The following LPAR1 variants were observed in gnomAD, a reference collection of about 807,000 sequenced individuals.
The protein encoded by LPAR1 is LPA receptor 1.
A neutral mutation model predicts 23.8 loss-of-function variants in LPAR1; 5 were observed. That is an observed-to-expected ratio of 0.21 (90% CI 0.11 to 0.44). The LOEUF (loss-of-function observed/expected upper bound fraction) is 0.44. Among genes scored for constraint, LPAR1 ranks in the 20% least tolerant of loss-of-function variants. The pLI is 0.99. For synonymous variants in LPAR1, 160 were observed against 164.7 expected (o/e 0.97, Z 0.22); for missense variants, 311 against 482.8 (o/e 0.64, Z 3.33).
chr9:111,028,883 A>ATC (rs1349628840), intron 2 of LPAR1, among the ~76,000 whole-genome samples: 1 of 152,150 alleles, frequency 6.6e-6, no homozygotes, highest in Non-Finnish European at 1.5e-5. Context: ...CAGACGTCAA[A>ATC]TCACCATCTA....
chr9:110,908,104 A>C (rs930365314), intron 5 of LPAR1, among the ~76,000 whole-genome samples: 7 of 152,016 alleles, frequency 4.6e-5, no homozygotes, highest in African/African-American at 1.7e-4. Context: ...ATAAATAATC[A>C]GTGTGTTTTT....
chr9:110,875,113 CTT>C lies in LPAR1; in HGVS notation c.*306_*307del, dbSNP rs768402340. 1.7e-4 allele frequency: 38 copies of C among 218,936 alleles called. No homozygotes were observed. Among genetic ancestry groups the C allele is most frequent in the Non-Finnish European group, 3.1e-4 (35 of 112,372 alleles). 13.6% of individuals were successfully genotyped at this position (218,936 alleles called of 1,614,324 possible). Reference sequence around the variant, plus strand: ...TGACTTGCACCAAACCACACAAAATCTTTTAAAAGTCTAGTTAGTGTAGTCTA... The same window carrying C: ...TGACTTGCACCAAACCACACAAAATCTTAAAAGTCTAGTTAGTGTAGTCTA... On this transcript the variant is annotated 3_prime_UTR_variant, in exon 6 of 6. Coordinates refer to ENST00000683809, the MANE Select transcript of LPAR1 (RefSeq NM_001351411.2).
chr9:110,959,764 A>C (rs2095890621), intron 4 of LPAR1, among the ~76,000 whole-genome samples: 1 of 152,218 alleles, frequency 6.6e-6, no homozygotes, highest in South Asian at 2.1e-4. Flanking sequence ...CCAATTAATG[A>C]ATGGATAAAG....
At chr9:110,953,276 T>A (rs998121000) in intron 4 of LPAR1, among the ~76,000 whole-genome samples, 5 of 152,122 alleles carry the variant, frequency 3.3e-5, no homozygotes, top group African/African-American at 4.8e-5. Context: ...CTGCCACTAC[T>A]GAGGCTCAGG....
At chr9:111,008,032 G>A (rs1029398393) in intron 2 of LPAR1, among the ~76,000 whole-genome samples, 2 of 151,906 alleles carry the variant, frequency 1.3e-5, no homozygotes, top group South Asian at 2.1e-4. Flanking sequence ...AAATTAGCTC[G>A]GTGTGGTCGT....
intron 4 of LPAR1, among the ~76,000 whole-genome samples, chr9:110,971,518 T>C (rs536925480): frequency 3.9e-4 from 60 of 152,230 alleles, no homozygotes; most frequent in Middle Eastern, 3.4e-3. Context: ...ACAAAGACCA[T>C]GTCCCTGCCG....
chr9:110,906,987 T>C (rs1248539301), intron 5 of LPAR1, among the ~76,000 whole-genome samples: 2 of 148,116 alleles, frequency 1.4e-5, no homozygotes, highest in Non-Finnish European at 3.0e-5. Flanking sequence ...AAATCTAGAA[T>C]TAAGAACAAA....
intron 2 of LPAR1, among the ~76,000 whole-genome samples, chr9:110,995,045 A>G (rs1038108015): frequency 2.1e-4 from 32 of 152,182 alleles, no homozygotes; most frequent in Admixed American, 2.1e-3. Context: ...ACAAAGACAA[A>G]GGCAGATGCT....
intron 5 of LPAR1, among the ~76,000 whole-genome samples, chr9:110,896,941 C>T (rs888256170): frequency 3.6e-4 from 55 of 151,978 alleles, no homozygotes; most frequent in African/African-American, 1.3e-3. Flanking sequence ...GCGCCTGCCA[C>T]CACGCCTGGC....
chr9:111,017,873 A>G (rs966616554), intron 2 of LPAR1, among the ~76,000 whole-genome samples: 3 of 151,924 alleles, frequency 2.0e-5, no homozygotes, highest in Non-Finnish European at 4.4e-5. Flanking sequence ...ACAAAAATCA[A>G]CTGGGCATGG....
At position 110,887,971 on chromosome 9, in the gene LPAR1, G is replaced by A. The variant is rs368567269; in HGVS notation, c.794-12249C>T. ...AACTTAAATAAGCATAAATAGAGAA[G>A]TAAAATAAGGTACACTGCACCCATA... On this transcript the variant is annotated intron_variant, in intron 5 of 5. Transcript: ENST00000683809. Among the ~76,000 whole-genome samples the A allele has an allele frequency of 7.9e-5, 12 of 152,268 alleles. No homozygotes were observed. In the South Asian group the frequency reaches 2.1e-3, roughly 26 times the overall value.
At position 110,879,481 on chromosome 9, in the gene LPAR1, A is replaced by G. The variant is rs528139896; in HGVS notation, c.794-3759T>C. 1.4e-3 allele frequency among the ~76,000 whole-genome samples: 217 copies of G among 152,142 alleles called. 1 individual carries two copies. Among genetic ancestry groups the G allele is most frequent in the Non-Finnish European group, 1.3e-3 (85 of 67,980 alleles). ...GGTTATTTATTGTAACATCAGAAAC[A>G]GAAGTAGCAGAAGATAAGATGTCCA... is the stretch of plus-strand genomic sequence containing the variant. On this transcript the variant is annotated intron_variant, in intron 5 of 5. Transcript: ENST00000683809.
intron 2 of LPAR1, among the ~76,000 whole-genome samples, chr9:110,988,814 C>A (rs1225007238): frequency 6.6e-6 from 1 of 152,028 alleles, no homozygotes; most frequent in Non-Finnish European, 1.5e-5. Flanking sequence ...AAATATATAT[C>A]CACACAAAAA....
intron 2 of LPAR1, among the ~76,000 whole-genome samples, chr9:110,982,945 C>T (rs1341806637): frequency 1.3e-5 from 2 of 150,608 alleles, no homozygotes; most frequent in African/African-American, 4.9e-5. Flanking sequence ...CAGTAAAATG[C>T]AAATGCAAAT....
At chr9:110,923,662 T>C (rs2093798579) in intron 5 of LPAR1, among the ~76,000 whole-genome samples, 1 of 152,232 alleles carries the variant, frequency 6.6e-6, no homozygotes, top group Non-Finnish European at 1.5e-5. Flanking sequence ...TGTGTAATAA[T>C]CTCACTTAAC....
intron 5 of LPAR1, among the ~76,000 whole-genome samples, chr9:110,930,136 G>A (rs2094309988): frequency 6.6e-6 from 1 of 152,152 alleles, no homozygotes; most frequent in Non-Finnish European, 1.5e-5. Context: ...ACTTTTCCTG[G>A]CAATGATCTT....
Position 110,963,083 on chromosome 9 carries a change from T to C in LPAR1, c.45+8990A>G, listed in dbSNP as rs1442169740. On this transcript the variant is annotated intron_variant, in intron 4 of 5. Coordinates refer to ENST00000683809, the MANE Select transcript of LPAR1 (RefSeq NM_001351411.2). ...GAAGTGGGAAAAAGCCAGACCCACT[T>C]TGAAAGATAAAGGAGTAGCTCCATT... 2.0e-5 allele frequency among the ~76,000 whole-genome samples: 3 copies of C among 152,258 alleles called. No individual in the cohort carries two copies. In the East Asian group the frequency reaches 5.8e-4, roughly 29 times the overall value.
chr9:110,905,342 T>A (rs2090859426), intron 5 of LPAR1, among the ~76,000 whole-genome samples: 1 of 130,016 alleles, frequency 7.7e-6, no homozygotes, highest in South Asian at 2.2e-4. Context: ...CTTTGCTTTT[T>A]TTTATTATTT....
At chr9:110,938,765 T>C (rs1463542509) in intron 5 of LPAR1, among the ~76,000 whole-genome samples, 1 of 151,808 alleles carries the variant, frequency 6.6e-6, no homozygotes, top group African/African-American at 2.4e-5. Context: ...TCTCAGCTAA[T>C]TGAGAGGCTG....
Sources: gnomAD v4.1 joint callset for allele counts (sites outside exome capture counted in the v4.1 genomes callset) on GRCh38, gnomAD v4.1.1 for gene constraint, MANE v1.5 for transcripts, NCBI Gene and HGNC (gene_info 2026-07-23, HGNC 2026-07-21) for gene names.